FILIP1L: variants seen among roughly 807,000 people sequenced by gnomAD.
FILIP1L encodes the protein filamin A-interacting protein 1-like.
Under a neutral mutation model 96.6 loss-of-function variants are expected in FILIP1L, and 55 were observed. The observed-to-expected ratio is 0.57, with a 90% CI of 0.46 to 0.71. FILIP1L has a LOEUF of 0.71. FILIP1L is among the 30% of genes least tolerant of loss of function. The pLI is 0.00. For missense variants in FILIP1L, 1,304 were observed against 1,321.2 expected (o/e 0.99, Z 0.20); for synonymous variants, 467 against 473.9 (o/e 0.99, Z 0.19).
At chr3:100,111,508 T>C (rs2066490730) in intron 1 of FILIP1L, among the ~76,000 whole-genome samples, 1 of 152,126 alleles carries the variant, frequency 6.6e-6, no homozygotes, top group Non-Finnish European at 1.5e-5. Context: ...TTATACACAA[T>C]ATAAAACACC....
chr3:99,943,851 A>G (rs1032333343), intron 1 of FILIP1L, among the ~76,000 whole-genome samples: 1 of 152,192 alleles, frequency 6.6e-6, no homozygotes, highest in African/African-American at 2.4e-5. Context: ...TTATAATCTT[A>G]CTTCCCTCGC....
chr3:99,878,482 C>CTT (rs1243925230), intron 4 of FILIP1L, among the ~76,000 whole-genome samples: 1 of 152,166 alleles, frequency 6.6e-6, no homozygotes, highest in Non-Finnish European at 1.5e-5. Flanking sequence ...CATATATAGC[C>CTT]TTCTTCTACA....
At position 100,098,570 on chromosome 3, in the gene FILIP1L, C is replaced by T. The variant is rs536312582; in HGVS notation, c.-11+15483G>A. On this transcript the variant is annotated intron_variant, in intron 1 of 5. Coordinates refer to ENST00000477258, the MANE Select transcript of FILIP1L (RefSeq NM_001387850.1). ...ATTTGTATTATTCATAATTGAACTTCGGCTCTTGCTGCTAATCAATACCAG... is the reference window on the plus strand; with the variant it reads ...ATTTGTATTATTCATAATTGAACTTTGGCTCTTGCTGCTAATCAATACCAG... 3.1e-4 allele frequency among the ~76,000 whole-genome samples: 47 copies of T among 152,312 alleles called. 1 individual carries two copies. In the East Asian group the frequency reaches 8.7e-3, roughly 28 times the overall value.
intron 1 of FILIP1L, among the ~76,000 whole-genome samples, chr3:99,989,569 G>A (rs1371439935): frequency 1.3e-5 from 2 of 151,940 alleles, no homozygotes; most frequent in East Asian, 1.9e-4. Flanking sequence ...CACTGCTCTT[G>A]CAAGCTACTC....
intron 4 of FILIP1L, among the ~76,000 whole-genome samples, chr3:99,907,349 G>A (rs2107634727): frequency 6.6e-6 from 1 of 152,222 alleles, no homozygotes; most frequent in East Asian, 1.9e-4. Flanking sequence ...CCGGGTTCAT[G>A]CCATTCTCCT....
intron 1 of FILIP1L, among the ~76,000 whole-genome samples, chr3:99,984,613 A>G (rs1366605301): frequency 6.6e-6 from 1 of 152,160 alleles, no homozygotes; most frequent in Non-Finnish European, 1.5e-5. Flanking sequence ...TTCCCCCTTC[A>G]AGTGCTTTTT....
chr3:99,902,425 G>A (rs768764643), intron 4 of FILIP1L, among the ~76,000 whole-genome samples: 3 of 152,112 alleles, frequency 2.0e-5, no homozygotes, highest in Admixed American at 6.6e-5. Context: ...ATTTCCATGG[G>A]AGGACATGAA....
chr3:100,037,370 A>G (rs1454662208), intron 1 of FILIP1L, among the ~76,000 whole-genome samples: 1 of 152,122 alleles, frequency 6.6e-6, no homozygotes, highest in Non-Finnish European at 1.5e-5. Flanking sequence ...GTGAAGGGTA[A>G]AAGATTTTTT....
intron 1 of FILIP1L, among the ~76,000 whole-genome samples, chr3:100,081,800 G>A (rs1385273950): frequency 6.6e-6 from 1 of 152,052 alleles, no homozygotes; most frequent in Non-Finnish European, 1.5e-5. Flanking sequence ...TTCTCCTTCT[G>A]TTCTGGGTCT....
At chr3:100,113,238 A>G (rs2066520262) in intron 1 of FILIP1L, among the ~76,000 whole-genome samples, 1 of 152,256 alleles carries the variant, frequency 6.6e-6, no homozygotes, top group Non-Finnish European at 1.5e-5. Flanking sequence ...GAGCGCCTAT[A>G]TACAAAACTG....
chr3:100,064,733 C>T (rs997499155), intron 1 of FILIP1L, among the ~76,000 whole-genome samples: 2 of 152,194 alleles, frequency 1.3e-5, no homozygotes, highest in African/African-American at 4.8e-5. Context: ...AAATCATACT[C>T]ATCTGTAAGA....
intron 1 of FILIP1L, among the ~76,000 whole-genome samples, chr3:99,963,586 A>T (rs930949785): frequency 6.6e-6 from 1 of 152,114 alleles, no homozygotes; most frequent in Non-Finnish European, 1.5e-5. Flanking sequence ...CTTTGCCTTG[A>T]TGGTGTTACC....
chr3:100,102,427 C>A (rs2066325822), intron 1 of FILIP1L, among the ~76,000 whole-genome samples: 1 of 152,082 alleles, frequency 6.6e-6, no homozygotes, highest in South Asian at 2.1e-4. Context: ...GTGAAAGTAG[C>A]CTAAGATGTG....
intron 1 of FILIP1L, among the ~76,000 whole-genome samples, chr3:99,994,490 A>G (rs577755708): frequency 3.9e-5 from 6 of 152,346 alleles, no homozygotes; most frequent in South Asian, 2.1e-4. Context: ...AGGCCACAAA[A>G]CAAGTCTTAG....
intron 1 of FILIP1L, among the ~76,000 whole-genome samples, chr3:100,112,678 C>A (rs2066511081): frequency 1.3e-5 from 2 of 152,118 alleles, no homozygotes; most frequent in African/African-American, 4.8e-5. Context: ...GTATAAGAAT[C>A]CAAACCCCAC....
intron 1 of FILIP1L, among the ~76,000 whole-genome samples, chr3:100,049,161 T>C (rs2065328100): frequency 6.6e-6 from 1 of 152,256 alleles, no homozygotes; most frequent in South Asian, 2.1e-4. Flanking sequence ...CTCTCCTTAC[T>C]ATTTGAAGTT....
At chr3:100,060,071 C>G (rs184046970) in intron 1 of FILIP1L, among the ~76,000 whole-genome samples, 186 of 152,058 alleles carry the variant, frequency 1.2e-3, no homozygotes, top group Non-Finnish European at 2.2e-3. Context: ...AAGATGGGCT[C>G]CAGGTACATG....
intron 4 of FILIP1L, among the ~76,000 whole-genome samples, chr3:99,861,331 C>G (rs974251957): frequency 1.2e-4 from 19 of 152,322 alleles, no homozygotes; most frequent in African/African-American, 4.3e-4. Context: ...CCCTGGCTGC[C>G]CTGTCCCTCT....
At chr3:100,083,473 G>A (rs895965013) in intron 1 of FILIP1L, among the ~76,000 whole-genome samples, 12 of 152,282 alleles carry the variant, frequency 7.9e-5, no homozygotes, top group Admixed American at 2.0e-4. Flanking sequence ...CAAGCTCTCC[G>A]TCTGATTCTA....
Sources: gnomAD v4.1 joint callset for allele counts (sites outside exome capture counted in the v4.1 genomes callset) on GRCh38, gnomAD v4.1.1 for gene constraint, MANE v1.5 for transcripts, NCBI Gene and HGNC (gene_info 2026-07-23, HGNC 2026-07-21) for gene names.